Variants in LRCH3 observed in about 807,000 individuals in gnomAD.
The protein encoded by LRCH3 is leucine rich repeats and calponin homology domain containing 3.
Under a neutral mutation model 104.5 loss-of-function variants are expected in LRCH3, and 68 were observed. That is an observed-to-expected ratio of 0.65 (90% confidence interval 0.54 to 0.80). The LOEUF is 0.80. LRCH3 is among the 30% of genes least tolerant of loss of function. The pLI is 0.00. For missense variants in LRCH3, 951 were observed against 953.9 expected, an observed-to-expected ratio of 1.00 and a Z score of 0.04; for synonymous variants, 344 against 361.3, an observed-to-expected ratio of 0.95 and a Z score of 0.54.
rs1331357118 is a variant in LRCH3, at chr3:197,874,409, A to T, written c.2131-1289A>T. Among the ~76,000 whole-genome samples the T allele has an allele frequency of 3.9e-5, 6 of 152,296 alleles. No individual in the cohort carries two copies. In the East Asian group the frequency reaches 9.6e-4, roughly 24 times the overall value. Reference sequence around the variant, plus strand: ...CCTTATGAGAATCTAATGCCTGATGATCTGTCAGTGTCTCCCATCATCCCC... The same window carrying T: ...CCTTATGAGAATCTAATGCCTGATGTTCTGTCAGTGTCTCCCATCATCCCC... On this transcript the variant is annotated intron_variant, in intron 19 of 20. Transcript: ENST00000425562.
rs149882561 is a variant in LRCH3, at chr3:197,862,918, G to A, written c.1717-2505G>A. On this transcript the variant is annotated intron_variant, in intron 15 of 20. Coordinates refer to ENST00000425562, the MANE Select transcript of LRCH3 (RefSeq NM_001365715.1). ...TCTCCACCTGTGATATCAAACTAAG[G>A]AATTGTTACCAGAAAATTGTCTCCA... Among the ~76,000 whole-genome samples the A allele has an allele frequency of 3.1e-4, 47 of 152,236 alleles. No homozygotes were observed. In the East Asian group the frequency reaches 8.7e-3, roughly 28 times the overall value.
chr3:197,865,976 C>T, intron 16 of LRCH3, 136 bp from the exon 17 acceptor site: 1 of 650,480 alleles, frequency 1.5e-6, no homozygotes, highest in South Asian at 2.0e-5. Context: ...TTTTCTGTAC[C>T]AGACTTTTCA....
At chr3:197,818,366 G>T (rs60635397) in intron 3 of LRCH3, among the ~76,000 whole-genome samples, 2,460 of 152,264 alleles carry the variant, frequency 0.016, 50 homozygotes, top group African/African-American at 0.055. Flanking sequence ...AACTCTTTCT[G>T]AAGTGGTCAA....
At chr3:197,804,806 C>T (rs1732287925) in intron 1 of LRCH3, among the ~76,000 whole-genome samples, 2 of 152,064 alleles carry the variant, frequency 1.3e-5, no homozygotes, top group African/African-American at 4.8e-5. Context: ...TAAACACTTC[C>T]TTATTTTCTA....
At chr3:197,849,267 C>CAAA (rs35823428) in intron 12 of LRCH3, among the ~76,000 whole-genome samples, 106 of 34,826 alleles carry the variant, frequency 3.0e-3, no homozygotes, top group African/African-American at 3.9e-3. Flanking sequence ...GACTCCACCT[C>CAAA]AAAAAAAAAA....
At chr3:197,837,153 A>T (rs1322989901) in intron 9 of LRCH3, among the ~76,000 whole-genome samples, 1 of 152,174 alleles carries the variant, frequency 6.6e-6, no homozygotes, top group Non-Finnish European at 1.5e-5. Flanking sequence ...TGATGAAACT[A>T]CTTGTTGAGG....
At chr3:197,794,191 T>C (rs1387425045) in intron 1 of LRCH3, among the ~76,000 whole-genome samples, 1 of 152,232 alleles carries the variant, frequency 6.6e-6, no homozygotes, top group African/African-American at 2.4e-5. Context: ...ATCACCACTA[T>C]GTAGTATCAG....
chr3:197,871,297 A>G, intron 18 of LRCH3, 28 bp from the exon 19 acceptor site: 2 of 1,559,430 alleles, frequency 1.3e-6, no homozygotes, highest in Non-Finnish European at 1.8e-6. Context: ...TCTTCAATTA[A>G]TCTATTACAT....
intron 20 of LRCH3, among the ~76,000 whole-genome samples, chr3:197,880,048 C>G (rs1254655817): frequency 2.0e-5 from 3 of 150,802 alleles, no homozygotes; most frequent in East Asian, 1.9e-4. Flanking sequence ...CGGGTTCCCG[C>G]CATTCTCCTG....
rs1425058125 is a variant in LRCH3 at position 197,885,113 on chromosome 3, C to G, written c.*1447C>G. 6.6e-6 allele frequency: 1 copy of G among 152,402 alleles called. No homozygotes were observed. The highest frequency in any genetic ancestry group is 2.1e-4 in the South Asian group (1 of 4,830). The allele number at this position is 152,402 out of a possible 1,614,324, so 9.4% of individuals were successfully genotyped here. On this transcript the variant is annotated 3_prime_UTR_variant, in exon 21 of 21. Coordinates refer to ENST00000425562, the MANE Select transcript of LRCH3 (RefSeq NM_001365715.1). ...AGACATTATCAACAACAAGCCCTCT[C>G]TCTATACAGAGTTTCCAAATTCTGA... is the stretch of plus-strand genomic sequence containing the variant.
intron 12 of LRCH3, chr3:197,850,783 C>T: frequency 4.0e-6 from 5 of 1,240,390 alleles, no homozygotes; most frequent in Non-Finnish European, 6.0e-6. Flanking sequence ...CGGAATGGTA[C>T]ACGCTGTTTC....
chr3:197,794,143 A>G (rs551382742), intron 1 of LRCH3, among the ~76,000 whole-genome samples: 3 of 151,624 alleles, frequency 2.0e-5, no homozygotes, highest in Non-Finnish European at 4.4e-5. Context: ...TCACCACTAT[A>G]TAGTATCACT....
At chr3:197,837,724 G>T (rs1444903676) in intron 9 of LRCH3, among the ~76,000 whole-genome samples, 4 of 151,734 alleles carry the variant, frequency 2.6e-5, no homozygotes, top group Non-Finnish European at 5.9e-5. Context: ...GTGCCTCTTA[G>T]AATAATTTTA....
chr3:197,830,658 A>G (rs1735807524), intron 6 of LRCH3, 112 bp from the exon 7 acceptor site: 4 of 785,490 alleles, frequency 5.1e-6, no homozygotes, highest in East Asian at 5.2e-5. Context: ...ATTTAGTTCT[A>G]ATAGTTAAGT....
At chr3:197,880,622 T>C in intron 20 of LRCH3, 1 of 1,536,758 alleles carries the variant, frequency 6.5e-7, no homozygotes, top group Non-Finnish European at 8.7e-7. Flanking sequence ...GTTTTGTCTG[T>C]CTCTCTCTGC....
Position 197,795,934 on chromosome 3 carries a change from GC to G in LRCH3, c.262+4397del, listed in dbSNP as rs111429494. 2.1e-4 allele frequency among the ~76,000 whole-genome samples: 32 copies of G among 151,880 alleles called. 1 individual carries two copies. Among genetic ancestry groups the G allele is most frequent in the African/African-American group, 7.5e-4 (31 of 41,422 alleles). On this transcript the variant is annotated intron_variant, in intron 1 of 20. Coordinates refer to ENST00000425562, the MANE Select transcript of LRCH3 (RefSeq NM_001365715.1). ...TCTCAATCTCCTGACCTTGTGATCC[GC>G]CCGCCTTGGCTTCTCAAAGTGCTGG...
In LRCH3 at chr3:197,811,339, C is replaced by A. The variant is rs971098255; in HGVS notation, c.263-3569C>A. On this transcript the variant is annotated intron_variant, in intron 1 of 20. Coordinates refer to ENST00000425562, the MANE Select transcript of LRCH3 (RefSeq NM_001365715.1). ...TTTTCATAGTTTGCATTTACCATTT[C>A]TTTATATGTTAAAGAATATTATTCC... is the stretch of plus-strand genomic sequence containing the variant. 2.0e-5 allele frequency among the ~76,000 whole-genome samples: 3 copies of A among 151,926 alleles called. No homozygotes were observed. In the East Asian group the frequency reaches 5.8e-4, roughly 29 times the overall value.
In LRCH3 at chr3:197,828,133, A is replaced by C. The variant is rs146074685; in HGVS notation, c.777+1119A>C. ...AAAATACTCAGCTTTCAGAGCTAAAAACTATCAGTAGATTTCTTTTTCTGA... is the reference window on the plus strand; with the variant it reads ...AAAATACTCAGCTTTCAGAGCTAAACACTATCAGTAGATTTCTTTTTCTGA... On this transcript the variant is annotated intron_variant, in intron 5 of 20. Coordinates refer to ENST00000425562, the MANE Select transcript of LRCH3 (RefSeq NM_001365715.1). 1.3e-5 allele frequency among the ~76,000 whole-genome samples: 2 copies of C among 152,200 alleles called. 1 individual carries two copies. Among genetic ancestry groups the C allele is most frequent in the East Asian group, 3.9e-4 (2 of 5,192 alleles).
rs1713930397 is a variant in LRCH3, at chr3:197,883,131, T to G, written c.2209-410T>G. ...GTGGTAGGGAACTTACCCTCAAGTG[T>G]AGTATCTTTTACTCTTGAGCCATCT... On this transcript the variant is annotated intron_variant, in intron 20 of 20. Transcript: ENST00000425562. This position sits in a 1 kb window ranked among gnomAD's most constrained non-coding sequence, Gnocchi z 4.2. The G allele has an allele frequency of 1.0e-6, 1 of 987,384 alleles. No individual in the cohort carries two copies. Among genetic ancestry groups the G allele is most frequent in the Non-Finnish European group, 1.2e-6 (1 of 831,278 alleles). The allele number at this position is 987,384 out of a possible 1,614,324, so 61.2% of individuals were successfully genotyped here. A position where few individuals can be genotyped will look rare whatever the true frequency, so the allele number is the denominator to read the frequency against.
Sources: gnomAD v4.1 joint callset for allele counts (sites outside exome capture counted in the v4.1 genomes callset) on GRCh38, gnomAD v4.1.1 for gene constraint, Gnocchi (gnomAD v3.1) non-coding constraint, MANE v1.5 for transcripts, NCBI Gene and HGNC (gene_info 2026-07-23, HGNC 2026-07-21) for gene names.